The following FRMD6 variants were observed in gnomAD, a reference collection of about 807,000 sequenced individuals.
FRMD6 encodes FERM domain containing 6.
FRMD6 carries 37 observed loss-of-function variants against 73.2 expected under a neutral mutation model. The observed-to-expected ratio is 0.51, with a 90% confidence interval of 0.39 to 0.66. The LOEUF (loss-of-function observed/expected upper bound fraction) is 0.66. Ranked by LOEUF, FRMD6 falls within the 30% of genes least tolerant of loss-of-function variation. The pLI is 0.00. For synonymous variants in FRMD6, 273 were observed against 282.2 expected (o/e 0.97, Z 0.33); for missense variants, 714 against 780.5 (o/e 0.91, Z 1.02).
rs1896492187 is a variant in FRMD6 at position 51,704,154 on chromosome 14, A to G, written c.372-595A>G. 3.3e-5 allele frequency among the ~76,000 whole-genome samples: 5 copies of G among 152,154 alleles called. No homozygotes were observed. The South Asian group carries it at 1.0e-3, about 32-fold the overall frequency. On this transcript the variant is annotated intron_variant, in intron 5 of 13. Coordinates refer to ENST00000344768, the MANE Select transcript of FRMD6 (RefSeq NM_001267046.2). Reference sequence around the variant, plus strand: ...ACTTCAAAAAAATCCCCAAAAAAAGATTTAAGGAAAGCATTCATTGCATTT... The same window carrying G: ...ACTTCAAAAAAATCCCCAAAAAAAGGTTTAAGGAAAGCATTCATTGCATTT...
the FRMD6 span, among the ~76,000 whole-genome samples, chr14:51,398,470 A>G: frequency 6.6e-6 from 1 of 152,128 alleles, no homozygotes; most frequent in East Asian, 1.9e-4. Context: ...TTTTCAAAGA[A>G]CTTTCTCTCA....
chr14:51,522,287 A>G (rs749433509), intron 1 of FRMD6, among the ~76,000 whole-genome samples: 1 of 152,202 alleles, frequency 6.6e-6, no homozygotes, highest in African/African-American at 2.4e-5. Flanking sequence ...TTTTTGGGTT[A>G]TGAATGACAT....
At chr14:51,430,808 T>C in the FRMD6 span, among the ~76,000 whole-genome samples, 4 of 152,190 alleles carry the variant, frequency 2.6e-5, no homozygotes, top group African/African-American at 9.7e-5. Context: ...AGGGATCTTT[T>C]ATTCCCAGTT....
chr14:51,591,134 G>A (rs932958857), intron 2 of FRMD6, among the ~76,000 whole-genome samples: 1 of 152,080 alleles, frequency 6.6e-6, no homozygotes, highest in Admixed American at 6.5e-5. Context: ...TCACCTCTGA[G>A]GGCTGTGGTG....
upstream of FRMD6, chr14:51,649,886 G>A (rs1594653863): frequency 1.3e-5 from 2 of 152,234 alleles, no homozygotes; most frequent in East Asian, 3.9e-4. Context: ...AGCCTCCTGA[G>A]TAGCTGGGGC....
At chr14:51,509,092 C>A (rs1377995931) in intron 1 of FRMD6, among the ~76,000 whole-genome samples, 1 of 152,208 alleles carries the variant, frequency 6.6e-6, no homozygotes, top group Non-Finnish European at 1.5e-5. Flanking sequence ...AACATTTATA[C>A]AAGGCCTCCC....
upstream of FRMD6, among the ~76,000 whole-genome samples, chr14:51,484,113 TA>T (rs951175330): frequency 3.9e-5 from 6 of 152,296 alleles, no homozygotes; most frequent in African/African-American, 9.6e-5. Context: ...GCTTTTCCAT[TA>T]AAAAAATCTA....
At chr14:51,529,169 C>A (rs1192251853) in intron 1 of FRMD6, among the ~76,000 whole-genome samples, 3 of 152,194 alleles carry the variant, frequency 2.0e-5, no homozygotes, top group Non-Finnish European at 4.4e-5. Flanking sequence ...GGGAAGAAAA[C>A]ACTTTATAGT....
chr14:51,434,800 C>T, the FRMD6 span, among the ~76,000 whole-genome samples: 1 of 152,110 alleles, frequency 6.6e-6, no homozygotes, highest in African/African-American at 2.4e-5. Flanking sequence ...CATCACCTTA[C>T]CCAAGTCATC....
intron 2 of FRMD6, among the ~76,000 whole-genome samples, chr14:51,602,724 T>G (rs1890088394): frequency 6.6e-6 from 1 of 152,236 alleles, no homozygotes; most frequent in Non-Finnish European, 1.5e-5. Flanking sequence ...GCAAAGTGTT[T>G]GTTTCTTTTT....
chr14:51,449,822 C>T, the FRMD6 span, among the ~76,000 whole-genome samples: 1 of 152,132 alleles, frequency 6.6e-6, no homozygotes, highest in Non-Finnish European at 1.5e-5. Flanking sequence ...CAGGAACCCC[C>T]CAGCTCTTGG....
At chr14:51,690,572 G>A (rs1895482859) in intron 2 of FRMD6, among the ~76,000 whole-genome samples, 2 of 152,214 alleles carry the variant, frequency 1.3e-5, no homozygotes, top group Admixed American at 6.5e-5. Flanking sequence ...TTTTAGTAGC[G>A]ACGGGGTTTC....
chr14:51,453,622 T>C, the FRMD6 span, among the ~76,000 whole-genome samples: 1 of 152,186 alleles, frequency 6.6e-6, no homozygotes, highest in Non-Finnish European at 1.5e-5. Context: ...TTATTCTCTT[T>C]AGAATTGAAG....
At chr14:51,502,573 C>T (rs888675252) in intron 1 of FRMD6, among the ~76,000 whole-genome samples, 4 of 152,272 alleles carry the variant, frequency 2.6e-5, no homozygotes, top group African/African-American at 7.2e-5. Flanking sequence ...TGCTCTTGTA[C>T]AAGTACCATG....
chr14:51,526,024 C>T (rs1031641816), intron 1 of FRMD6, among the ~76,000 whole-genome samples: 3 of 152,170 alleles, frequency 2.0e-5, no homozygotes, highest in African/African-American at 4.8e-5. Context: ...TATTCTGGGA[C>T]ACTGGAGAAC....
At chr14:51,460,150 CAT>C in the FRMD6 span, among the ~76,000 whole-genome samples, 9 of 152,034 alleles carry the variant, frequency 5.9e-5, no homozygotes, top group African/African-American at 2.2e-4. Flanking sequence ...GAAATTATAA[CAT>C]GTGTTGGGAA....
chr14:51,457,257 A>C, the FRMD6 span, among the ~76,000 whole-genome samples: 1 of 152,226 alleles, frequency 6.6e-6, no homozygotes, highest in Non-Finnish European at 1.5e-5. Context: ...CCACATGTAC[A>C]ATTATTGTGT....
At chr14:51,452,044 T>A in the FRMD6 span, among the ~76,000 whole-genome samples, 1 of 152,248 alleles carries the variant, frequency 6.6e-6, no homozygotes, top group Non-Finnish European at 1.5e-5. Context: ...AGATTGGTGT[T>A]TTAAAACTAT....
At position 51,720,364 on chromosome 14, in the gene FRMD6, G is replaced by C; in HGVS notation, c.1334G>C (p.Arg445Pro). The change falls in exon 11 of 14, where the codon CGG (arginine) becomes CCG (proline). Residue 445 changes from arginine to proline, a missense_variant. Arg to Pro is a moderately radical substitution (Grantham distance 103, BLOSUM62 -2). Transcript: ENST00000344768. ...GGGGTGGAGAGTGGCGGCAAAGACC[G>C]GCTGGAAGAGGACTTACAGGACGAT... ...TSGVESGGKD[R>P]LEEDLQDDEI... 1 of 1,613,618 alleles carries C rather than the reference G, an allele frequency of 6.2e-7. No homozygotes were observed. The highest frequency in any genetic ancestry group is 8.5e-7 in the Non-Finnish European group (1 of 1,180,032).
Sources: allele counts gnomAD v4.1 joint callset (sites outside exome capture counted in the v4.1 genomes callset), GRCh38; gene constraint gnomAD v4.1.1; transcripts MANE v1.5; gene names NCBI Gene and HGNC (gene_info 2026-07-23, HGNC 2026-07-21).